PPP3CA: variants seen among roughly 807,000 people sequenced by gnomAD.
The protein encoded by PPP3CA is CAM-PRP catalytic subunit.
Under a neutral mutation model 66.5 loss-of-function variants are expected in PPP3CA, and 14 were observed. That is an observed-to-expected ratio of 0.21 (90% CI 0.14 to 0.33). The LOEUF (loss-of-function observed/expected upper bound fraction) is 0.33. Ranked by LOEUF, PPP3CA falls within the 10% of genes least tolerant of loss-of-function variation. The pLI is 1.00. For missense variants in PPP3CA, 317 were observed against 639.5 expected (o/e 0.50, Z 5.44); for synonymous variants, 232 against 226.2 (o/e 1.03, Z -0.23).
chr4:101,091,701 G>C (rs1016024272), intron 6 of PPP3CA, among the ~76,000 whole-genome samples: 2 of 151,708 alleles, frequency 1.3e-5, no homozygotes, highest in Non-Finnish European at 2.9e-5. Context: ...TTACTCTAGA[G>C]ACAGAAGATA....
At chr4:101,126,088 C>G (rs1263374491) in intron 2 of PPP3CA, among the ~76,000 whole-genome samples, 2 of 152,146 alleles carry the variant, frequency 1.3e-5, no homozygotes, top group African/African-American at 4.8e-5. Flanking sequence ...GAGAAATCTG[C>G]TAGAATAATG....
At chr4:101,294,843 C>T (rs1728147254) in intron 1 of PPP3CA, among the ~76,000 whole-genome samples, 1 of 151,340 alleles carries the variant, frequency 6.6e-6, no homozygotes, top group African/African-American at 2.4e-5. Context: ...GAAACCCACC[C>T]GCTTCCTGCA....
chr4:101,113,974 T>A (rs1721761901), intron 2 of PPP3CA, among the ~76,000 whole-genome samples: 1 of 152,124 alleles, frequency 6.6e-6, no homozygotes. Flanking sequence ...ACAACCAGGC[T>A]CTGACAATTT....
chr4:101,129,605 G>C (rs1722361817), intron 2 of PPP3CA, among the ~76,000 whole-genome samples: 1 of 152,118 alleles, frequency 6.6e-6, no homozygotes, highest in Non-Finnish European at 1.5e-5. Context: ...AGGCAAACAG[G>C]GTCTGGAGTG....
chr4:101,257,803 T>C (rs1475266867), intron 1 of PPP3CA, among the ~76,000 whole-genome samples: 1 of 152,140 alleles, frequency 6.6e-6, no homozygotes, highest in African/African-American at 2.4e-5. Context: ...ATTTAGGATA[T>C]ACTCAGGAAC....
chr4:101,282,838 G>A (rs1727728696), intron 1 of PPP3CA, among the ~76,000 whole-genome samples: 1 of 152,112 alleles, frequency 6.6e-6, no homozygotes, highest in African/African-American at 2.4e-5. Context: ...AACATATTTA[G>A]CATGGACTTT....
chr4:101,113,243 T>C (rs1721733006), intron 2 of PPP3CA, among the ~76,000 whole-genome samples: 1 of 152,116 alleles, frequency 6.6e-6, no homozygotes, highest in Non-Finnish European at 1.5e-5. Flanking sequence ...TACAGATTTA[T>C]GGGCCCTGAA....
chr4:101,046,032 G>T (rs1727749401), intron 10 of PPP3CA, among the ~76,000 whole-genome samples: 1 of 152,156 alleles, frequency 6.6e-6, no homozygotes, highest in African/African-American at 2.4e-5. Flanking sequence ...TTTGGGGAGA[G>T]AAGTCTCTAT....
intron 2 of PPP3CA, among the ~76,000 whole-genome samples, chr4:101,139,613 G>C (rs1722734081): frequency 6.6e-6 from 1 of 151,278 alleles, no homozygotes; most frequent in Admixed American, 6.6e-5. Context: ...TGCCAGGAAA[G>C]AGTGAACATG....
intron 1 of PPP3CA, among the ~76,000 whole-genome samples, chr4:101,335,528 C>A (rs1160306507): frequency 1.4e-5 from 2 of 147,044 alleles, no homozygotes; most frequent in African/African-American, 5.5e-5. Flanking sequence ...TGTTAAAACG[C>A]GTCTGCTATC....
chr4:101,156,203 T>A (rs532464981), intron 2 of PPP3CA, among the ~76,000 whole-genome samples: 3 of 152,192 alleles, frequency 2.0e-5, no homozygotes, highest in South Asian at 4.1e-4. Flanking sequence ...TTTCAGTGAG[T>A]CAATCCCTCA....
chr4:101,048,932 T>C (rs1727892408), intron 10 of PPP3CA, among the ~76,000 whole-genome samples: 1 of 152,086 alleles, frequency 6.6e-6, no homozygotes, highest in Non-Finnish European at 1.5e-5. Flanking sequence ...TTCTCCTGTG[T>C]AATGGATTTT....
chr4:101,243,275 A>C (rs947131833), intron 1 of PPP3CA, among the ~76,000 whole-genome samples: 7 of 152,194 alleles, frequency 4.6e-5, no homozygotes, highest in African/African-American at 1.7e-4. Context: ...ACATGAACAC[A>C]TATCCTCACA....
chr4:101,306,398 G>A (rs1728535764), intron 1 of PPP3CA, among the ~76,000 whole-genome samples: 2 of 152,020 alleles, frequency 1.3e-5, no homozygotes, highest in South Asian at 4.1e-4. Context: ...GACCACCAAG[G>A]CTCCCCCTCC....
chr4:101,303,936 TTGTC>T (rs1192706154), intron 1 of PPP3CA, among the ~76,000 whole-genome samples: 1 of 152,208 alleles, frequency 6.6e-6, no homozygotes, highest in Non-Finnish European at 1.5e-5. Flanking sequence ...AACTTGCAAT[TTGTC>T]TGATGTTCAT....
intron 1 of PPP3CA, among the ~76,000 whole-genome samples, chr4:101,304,148 T>C (rs1578648176): frequency 6.6e-6 from 1 of 152,316 alleles, no homozygotes; most frequent in Non-Finnish European, 1.5e-5. Context: ...TTTCTTAACA[T>C]GTGTACAAAG....
At chr4:101,155,639 T>C (rs1341608042) in intron 2 of PPP3CA, among the ~76,000 whole-genome samples, 1 of 151,472 alleles carries the variant, frequency 6.6e-6, no homozygotes, top group African/African-American at 2.4e-5. Flanking sequence ...GGGATAATTA[T>C]ATGACTAACA....
intron 1 of PPP3CA, among the ~76,000 whole-genome samples, chr4:101,332,100 A>G (rs575629525): frequency 2.7e-4 from 41 of 152,316 alleles, no homozygotes; most frequent in African/African-American, 8.2e-4. Flanking sequence ...TGTTTAATTG[A>G]CTGGGATGGG....
intron 2 of PPP3CA, among the ~76,000 whole-genome samples, chr4:101,174,658 C>T (rs7676124): frequency 0.028 from 4,187 of 152,100 alleles, 208 homozygotes; most frequent in African/African-American, 0.095. Context: ...TGGAGGTATC[C>T]TTCTTAATCT....
Sources: allele counts gnomAD v4.1 joint callset (sites outside exome capture counted in the v4.1 genomes callset), GRCh38; gene constraint gnomAD v4.1.1; transcripts MANE v1.5; gene names NCBI Gene and HGNC (gene_info 2026-07-23, HGNC 2026-07-21).